SGCD: variants seen among roughly 807,000 people sequenced by gnomAD.
The protein encoded by SGCD is delta-sarcoglycan.
In SGCD, 18 loss-of-function variants were observed where a neutral mutation model predicts 36.6. The ratio of observed to expected loss-of-function variants is 0.49; its 90% CI spans 0.34 to 0.73. SGCD has a LOEUF of 0.73. Among genes scored for constraint, SGCD ranks in the 30% least tolerant of loss-of-function variants. The pLI, the probability that SGCD is intolerant of heterozygous loss-of-function variation, is 0.01. For synonymous variants in SGCD, 133 were observed against 130.6 expected (o/e 1.02, Z -0.12); for missense variants, 387 against 346.7 (o/e 1.12, Z -0.92).
chr5:156,362,727 T>C (rs772624103), intron 3 of SGCD, among the ~76,000 whole-genome samples: 8 of 152,208 alleles, frequency 5.3e-5, no homozygotes, highest in Non-Finnish European at 1.2e-4. Flanking sequence ...TGGACCACTA[T>C]GGAGAACTTT....
chr5:156,121,441 C>A (rs971714773), intron 2 of SGCD, among the ~76,000 whole-genome samples: 11 of 152,020 alleles, frequency 7.2e-5, no homozygotes, highest in African/African-American at 2.7e-4. Flanking sequence ...GGAACCGGAA[C>A]CTGAACCGCA....
chr5:156,707,110 A>G (rs976410723), intron 7 of SGCD, among the ~76,000 whole-genome samples: 23 of 152,218 alleles, frequency 1.5e-4, no homozygotes, highest in African/African-American at 5.1e-4. Context: ...ATGCATAGTC[A>G]TAGATTAAAC....
intron 7 of SGCD, among the ~76,000 whole-genome samples, chr5:156,688,157 C>A (rs1486586350): frequency 3.9e-5 from 6 of 152,102 alleles, no homozygotes; most frequent in African/African-American, 1.4e-4. Flanking sequence ...TATTTGATCA[C>A]CCAGGTAATA....
intron 3 of SGCD, among the ~76,000 whole-genome samples, chr5:156,149,333 AT>A (rs1762779067): frequency 6.6e-6 from 1 of 152,212 alleles, no homozygotes; most frequent in Non-Finnish European, 1.5e-5. Flanking sequence ...CTATTGTGCT[AT>A]CAAATACTGG....
chr5:156,309,600 C>A (rs1767333041), intron 3 of SGCD, among the ~76,000 whole-genome samples: 1 of 120,904 alleles, frequency 8.3e-6, no homozygotes, highest in African/African-American at 2.9e-5. Context: ...GATCTTTGAG[C>A]ATTTTTTTTT....
Position 156,640,800 on chromosome 5 carries a change from G to A in SGCD, c.503-6664G>A, listed in dbSNP as rs184990063. Among the ~76,000 whole-genome samples the A allele has an allele frequency of 2.2e-3, 332 of 152,200 alleles. 1 individual carries two copies. Among genetic ancestry groups the A allele is most frequent in the Admixed American group, 3.7e-3 (57 of 15,274 alleles). ...CCTGATTCCTAAAAAGAAAATATTT[G>A]GTATGTATCCTAGAAACTATTTGTA... On this transcript the variant is annotated intron_variant, in intron 6 of 8. Coordinates refer to ENST00000337851, the MANE Select transcript of SGCD (RefSeq NM_000337.6).
chr5:156,472,052 C>T (rs1241458566), intron 3 of SGCD, among the ~76,000 whole-genome samples: 1 of 152,126 alleles, frequency 6.6e-6, no homozygotes, highest in Non-Finnish European at 1.5e-5. Context: ...AATTAAAACA[C>T]CAACTAGGTA....
intron 1 of SGCD, among the ~76,000 whole-genome samples, chr5:155,930,403 G>A (rs1245584016): frequency 6.6e-6 from 1 of 152,212 alleles, no homozygotes; most frequent in African/African-American, 2.4e-5. Flanking sequence ...ATACTGTATT[G>A]TGCAAGCAAG....
intron 6 of SGCD, among the ~76,000 whole-genome samples, chr5:156,635,612 A>G (rs550066074): frequency 1.6e-4 from 24 of 152,280 alleles, no homozygotes; most frequent in Admixed American, 1.0e-3. Context: ...ACTATTCACA[A>G]TAGCAAAGAC....
intron 1 of SGCD, among the ~76,000 whole-genome samples, chr5:156,099,417 G>T (rs558429218): frequency 2.6e-5 from 4 of 151,498 alleles, no homozygotes; most frequent in Admixed American, 6.6e-5. Flanking sequence ...TCCTTTTTTT[G>T]TTGTTGTTTT....
chr5:155,904,771 C>T (rs1012987383), intron 1 of SGCD, among the ~76,000 whole-genome samples: 13 of 152,062 alleles, frequency 8.5e-5, no homozygotes, highest in South Asian at 2.1e-4. Context: ...CATAAAGTAC[C>T]ATCTTATCTT....
intron 1 of SGCD, among the ~76,000 whole-genome samples, chr5:156,107,266 A>G (rs947117039): frequency 5.9e-5 from 9 of 152,174 alleles, no homozygotes; most frequent in Non-Finnish European, 1.2e-4. Flanking sequence ...ACCTTGGAAT[A>G]AGTCTGTAGG....
intron 7 of SGCD, among the ~76,000 whole-genome samples, chr5:156,708,279 TAA>T (rs35320814): frequency 9.4e-5 from 14 of 149,154 alleles, no homozygotes; most frequent in Middle Eastern, 6.8e-3. Context: ...AGCATTCTAT[TAA>T]AAAAAAAAAA....
chr5:156,757,675 G>A lies in SGCD; in HGVS notation c.670G>A (p.Glu224Lys), dbSNP rs1757393353. Residue 224 changes from glutamate to lysine, a missense_variant, in exon 8 of 9, where the codon GAG (glutamate) becomes AAG (lysine). Glu to Lys is a moderately conservative substitution (Grantham distance 56, BLOSUM62 1). Coordinates refer to ENST00000337851, the MANE Select transcript of SGCD (RefSeq NM_000337.6). ...CAATATGGAAGCCACCTGCAGGACA[G>A]AGCTGAGACTGGAATCCAAAGATGG... The part of the protein sequence containing the change: ...AGNMEATCRT[E>K]LRLESKDGEI... The A allele has an allele frequency of 6.2e-7, 1 of 1,608,288 alleles. No homozygotes were observed. The highest frequency in any genetic ancestry group is 2.2e-5 in the East Asian group (1 of 44,772).
At chr5:155,977,592 G>A (rs186398606) in intron 1 of SGCD, among the ~76,000 whole-genome samples, 30 of 152,230 alleles carry the variant, frequency 2.0e-4, no homozygotes, top group Admixed American at 1.4e-3. Flanking sequence ...TTCACCCTTC[G>A]TGGCCTCCAT....
At chr5:156,728,508 CA>C (rs34726270) in intron 7 of SGCD, among the ~76,000 whole-genome samples, 3,395 of 45,914 alleles carry the variant, frequency 0.074, 20 homozygotes, top group African/African-American at 0.2. Context: ...GAGACTCTGT[CA>C]AAAAAAAAAA....
At chr5:156,232,056 T>G (rs1243611664) in intron 3 of SGCD, among the ~76,000 whole-genome samples, 1 of 152,132 alleles carries the variant, frequency 6.6e-6, no homozygotes, top group Non-Finnish European at 1.5e-5. Flanking sequence ...CCCTGACTAA[T>G]AACAGTAGGC....
chr5:156,447,931 T>G lies in SGCD; in HGVS notation c.193-60670T>G, dbSNP rs137934671. Among the ~76,000 whole-genome samples the G allele has an allele frequency of 1.1e-3, 162 of 152,264 alleles. 2 individuals carry two copies. In the East Asian group the frequency reaches 0.029, roughly 27 times the overall value. On this transcript the variant is annotated intron_variant, in intron 3 of 8. Coordinates refer to ENST00000337851, the MANE Select transcript of SGCD (RefSeq NM_000337.6). ...CCCTATGAGGTATAAAACACCTTTG[T>G]TAATCTCTGTTTTACAGGAGGGGAA... is the stretch of plus-strand genomic sequence containing the variant.
At chr5:155,870,278 T>G (rs763007516), upstream of SGCD, 18 of 152,182 alleles carry the variant, frequency 1.2e-4, no homozygotes, top group Admixed American at 6.5e-5. Context: ...ATTAAATGAG[T>G]TAATACTTGT....
Sources: allele counts gnomAD v4.1 joint callset (sites outside exome capture counted in the v4.1 genomes callset), GRCh38; gene constraint gnomAD v4.1.1; transcripts MANE v1.5; gene names NCBI Gene and HGNC (gene_info 2026-07-23, HGNC 2026-07-21).